The following IMMP2L variants were observed in gnomAD, a reference collection of about 807,000 sequenced individuals.
The protein encoded by IMMP2L is inner mitochondrial membrane peptidase subunit 2.
Under a neutral mutation model 19.3 loss-of-function variants are expected in IMMP2L, and 18 were observed. The observed-to-expected ratio is 0.93, with a 90% CI of 0.64 to 1.38. IMMP2L has a LOEUF of 1.38. IMMP2L is among the 40% of genes most tolerant of loss of function. IMMP2L has a pLI of 0.00. For synonymous variants in IMMP2L, 76 were observed against 73.0 expected, an observed-to-expected ratio of 1.04 and a Z score of -0.21; for missense variants, 233 against 218.2, an observed-to-expected ratio of 1.07 and a Z score of -0.43.
intron 5 of IMMP2L, among the ~76,000 whole-genome samples, chr7:110,828,809 G>A (rs1803719386): frequency 6.6e-6 from 1 of 152,130 alleles, no homozygotes; most frequent in Admixed American, 6.6e-5. Flanking sequence ...GGCAAGAGTG[G>A]AGAGCAAAAA....
chr7:111,283,571 G>T (rs1475969525), intron 3 of IMMP2L, among the ~76,000 whole-genome samples: 1 of 152,122 alleles, frequency 6.6e-6, no homozygotes, highest in Non-Finnish European at 1.5e-5. Flanking sequence ...AGTCGAGGAA[G>T]ACGAGCTGGA....
intron 5 of IMMP2L, among the ~76,000 whole-genome samples, chr7:110,712,880 C>T (rs1309790626): frequency 7.3e-6 from 1 of 136,714 alleles, no homozygotes; most frequent in African/African-American, 2.9e-5. Context: ...GCGCACAGTG[C>T]GCACACACAC....
chr7:111,108,709 TTC>T (rs1452253552), intron 3 of IMMP2L, among the ~76,000 whole-genome samples: 3 of 152,194 alleles, frequency 2.0e-5, no homozygotes, highest in African/African-American at 7.2e-5. Flanking sequence ...ACATATTTAT[TTC>T]TGTTTGCCAA....
chr7:111,251,244 A>T (rs1816081273), intron 3 of IMMP2L, among the ~76,000 whole-genome samples: 1 of 152,162 alleles, frequency 6.6e-6, no homozygotes, highest in African/African-American at 2.4e-5. Flanking sequence ...AAAGTCAAGA[A>T]ACAACAAATG....
chr7:110,933,941 A>G (rs1287900851), intron 4 of IMMP2L, among the ~76,000 whole-genome samples: 1 of 152,118 alleles, frequency 6.6e-6, no homozygotes. Flanking sequence ...TAGGGTGTCG[A>G]TTTTAGATCT....
intron 3 of IMMP2L, among the ~76,000 whole-genome samples, chr7:111,444,989 G>A (rs1214041677): frequency 6.6e-6 from 1 of 152,066 alleles, no homozygotes; most frequent in Non-Finnish European, 1.5e-5. Flanking sequence ...CAGGTTTATA[G>A]TCTAATGTTG....
intron 3 of IMMP2L, among the ~76,000 whole-genome samples, chr7:111,336,273 T>TG (rs200668109): frequency 0.012 from 1,840 of 151,704 alleles, 31 homozygotes; most frequent in Admixed American, 0.024. Context: ...AGGCTGGTCT[T>TG]GAACTCCTGA....
chr7:111,142,381 C>T (rs1803030699), intron 3 of IMMP2L, among the ~76,000 whole-genome samples: 1 of 147,324 alleles, frequency 6.8e-6, no homozygotes, highest in Non-Finnish European at 1.5e-5. Flanking sequence ...TAGAAAAGAG[C>T]TTAATTTGAA....
At chr7:111,465,865 C>T (rs1840603389) in intron 3 of IMMP2L, among the ~76,000 whole-genome samples, 1 of 152,104 alleles carries the variant, frequency 6.6e-6, no homozygotes, top group Admixed American at 6.6e-5. Flanking sequence ...GCTATAAAGA[C>T]ACATGCACAC....
intron 3 of IMMP2L, among the ~76,000 whole-genome samples, chr7:111,151,213 G>A (rs1804034152): frequency 6.6e-6 from 1 of 152,198 alleles, no homozygotes; most frequent in Admixed American, 6.5e-5. Context: ...AATTGAGAAA[G>A]GGAAGGCCTC....
chr7:110,942,173 CAAGAGTT>C (rs1816803065), intron 4 of IMMP2L, among the ~76,000 whole-genome samples: 1 of 151,842 alleles, frequency 6.6e-6, no homozygotes, highest in Admixed American at 6.6e-5. Context: ...ACATTTCATT[CAAGAGTT>C]AAGTTTCTTG....
chr7:111,518,951 A>G (rs1846106389), intron 2 of IMMP2L, among the ~76,000 whole-genome samples: 1 of 152,134 alleles, frequency 6.6e-6, no homozygotes, highest in Admixed American at 6.6e-5. Context: ...AGATGCTGTC[A>G]TTTTCTTACA....
At chr7:111,556,035 T>TATATATATATATATACAC (rs1554550178) in intron 1 of IMMP2L, among the ~76,000 whole-genome samples, 9 of 135,696 alleles carry the variant, frequency 6.6e-5, no homozygotes, top group African/African-American at 2.5e-4. Flanking sequence ...TATATATATA[T>TATATATATATATATACAC]ACATACCCAA....
At chr7:111,060,604 C>T (rs1180603893) in intron 3 of IMMP2L, among the ~76,000 whole-genome samples, 1 of 152,174 alleles carries the variant, frequency 6.6e-6, no homozygotes, top group African/African-American at 2.4e-5. Context: ...CAAGTTATCT[C>T]AGCTTTCTAA....
intron 1 of IMMP2L, among the ~76,000 whole-genome samples, chr7:111,522,132 C>T (rs1846390918): frequency 6.6e-6 from 1 of 152,086 alleles, no homozygotes; most frequent in African/African-American, 2.4e-5. Flanking sequence ...GCATTGCTTA[C>T]ATTTGGACTG....
intron 3 of IMMP2L, among the ~76,000 whole-genome samples, chr7:111,011,245 TAGAC>T (rs1277377941): frequency 1.3e-5 from 2 of 152,140 alleles, no homozygotes; most frequent in Non-Finnish European, 2.9e-5. Context: ...GACTAAATTT[TAGAC>T]AGACTGCCAT....
intron 3 of IMMP2L, among the ~76,000 whole-genome samples, chr7:111,140,716 C>T (rs1399667006): frequency 6.6e-6 from 1 of 152,120 alleles, no homozygotes; most frequent in Admixed American, 6.6e-5. Context: ...TTTCCATCTG[C>T]CCCAACCAAA....
chr7:111,521,756 C>T (rs1042589399), intron 1 of IMMP2L, among the ~76,000 whole-genome samples: 2 of 152,052 alleles, frequency 1.3e-5, no homozygotes, highest in African/African-American at 4.8e-5. Context: ...TTTTCTGTTG[C>T]TATTATGATG....
intron 3 of IMMP2L, among the ~76,000 whole-genome samples, chr7:111,130,741 T>C (rs1801766652): frequency 6.6e-6 from 1 of 152,068 alleles, no homozygotes; most frequent in Non-Finnish European, 1.5e-5. Context: ...ATTAAAGCAA[T>C]ATAGCTAAAC....
Sources: gnomAD v4.1 joint callset for allele counts (sites outside exome capture counted in the v4.1 genomes callset) on GRCh38, gnomAD v4.1.1 for gene constraint, MANE v1.5 for transcripts, NCBI Gene and HGNC (gene_info 2026-07-23, HGNC 2026-07-21) for gene names.